Variants in ARHGEF28 observed in about 807,000 individuals in gnomAD.
ARHGEF28 encodes 190 kDa guanine nucleotide exchange factor.
Under a neutral mutation model 206.6 loss-of-function variants are expected in ARHGEF28, and 152 were observed. The ratio of observed to expected loss-of-function variants is 0.74; its 90% CI spans 0.64 to 0.84. The LOEUF (loss-of-function observed/expected upper bound fraction) is 0.84, where lower values mean the gene tolerates loss of function less well. ARHGEF28 is among the 40% of genes least tolerant of loss of function. The probability of loss-of-function intolerance (pLI) is 0.00; values close to 1 mark genes in which losing one functional copy is unlikely to be tolerated. For missense variants in ARHGEF28, 2,028 were observed against 2,073.2 expected (o/e 0.98, Z 0.42); for synonymous variants, 763 against 776.4 (o/e 0.98, Z 0.29).
chr5:73,912,887 C>T (rs1303469674), intron 35 of ARHGEF28, among the ~76,000 whole-genome samples: 2 of 152,172 alleles, frequency 1.3e-5, no homozygotes, highest in African/African-American at 4.8e-5. Flanking sequence ...GTTTTGTCAG[C>T]ATGGTTTTAC....
At chr5:73,719,532 A>G (rs181646703) in intron 2 of ARHGEF28, among the ~76,000 whole-genome samples, 1 of 152,178 alleles carries the variant, frequency 6.6e-6, no homozygotes, top group Non-Finnish European at 1.5e-5. Context: ...AGAAACTGAC[A>G]TTTCTCTTTT....
chr5:73,654,303 TG>T (rs1424830845), intron 1 of ARHGEF28, among the ~76,000 whole-genome samples: 1 of 152,168 alleles, frequency 6.6e-6, no homozygotes, highest in African/African-American at 2.4e-5. Flanking sequence ...CATAAATGTC[TG>T]CTCTGGAGAA....
intron 35 of ARHGEF28, among the ~76,000 whole-genome samples, chr5:73,927,612 G>T (rs1763892892): frequency 6.6e-6 from 1 of 152,120 alleles, no homozygotes; most frequent in Non-Finnish European, 1.5e-5. Flanking sequence ...CCCTGCCTCA[G>T]CCTCCTCAGT....
intron 9 of ARHGEF28, among the ~76,000 whole-genome samples, chr5:73,824,021 G>A (rs1756748640): frequency 6.6e-6 from 1 of 152,204 alleles, no homozygotes; most frequent in African/African-American, 2.4e-5. Context: ...CCAGTGTGTA[G>A]CAGGTGTTCC....
At chr5:73,745,422 CA>C (rs1751670606) in intron 2 of ARHGEF28, among the ~76,000 whole-genome samples, 2 of 151,962 alleles carry the variant, frequency 1.3e-5, no homozygotes, top group Non-Finnish European at 2.9e-5. Context: ...TTTAAGGTGG[CA>C]AAAACATTTG....
Position 73,894,550 on chromosome 5 carries a change from A to G in ARHGEF28, c.3816A>G (p.Ser1272=). 1 of 1,613,796 alleles carries G rather than the reference A, an allele frequency of 6.2e-7. No individual in the cohort carries two copies. Among genetic ancestry groups the G allele is most frequent in the Non-Finnish European group, 8.5e-7 (1 of 1,179,846 alleles). Residue 1272 remains serine, a synonymous_variant, in exon 29 of 36, where the codon TCA becomes TCG. Transcript: ENST00000513042. ...PDPGEPPQAA[S]LLAAALKEAE... is the part of the protein sequence containing the mutation. Reference sequence around the variant, plus strand: ...CAGGCGAGCCTCCCCAGGCAGCCTCATTACTGGCAGCAGCACTGAAAGAAG... The same window carrying G: ...CAGGCGAGCCTCCCCAGGCAGCCTCGTTACTGGCAGCAGCACTGAAAGAAG...
chr5:73,910,282 G>A (rs1762815425), intron 34 of ARHGEF28, among the ~76,000 whole-genome samples: 1 of 149,228 alleles, frequency 6.7e-6, no homozygotes, highest in African/African-American at 2.5e-5. Flanking sequence ...TCAGGAGGCT[G>A]AGGCAGGAGA....
At chr5:73,657,745 A>G (rs1745310133) in intron 1 of ARHGEF28, among the ~76,000 whole-genome samples, 1 of 152,220 alleles carries the variant, frequency 6.6e-6, no homozygotes, top group African/African-American at 2.4e-5. Context: ...GGCTGAGACC[A>G]GAAACATTTC....
At chr5:73,757,989 G>T (rs1752405002) in intron 4 of ARHGEF28, among the ~76,000 whole-genome samples, 2 of 152,094 alleles carry the variant, frequency 1.3e-5, no homozygotes, top group Admixed American at 1.3e-4. Flanking sequence ...TGTTTTATGT[G>T]TTGATGCTCA....
intron 9 of ARHGEF28, among the ~76,000 whole-genome samples, chr5:73,800,645 A>G (rs533107905): frequency 2.0e-5 from 3 of 151,802 alleles, no homozygotes; most frequent in East Asian, 3.9e-4. Flanking sequence ...ACAAAACAAA[A>G]CAGAAAAAAG....
intron 9 of ARHGEF28, among the ~76,000 whole-genome samples, chr5:73,809,275 T>C (rs1755698401): frequency 1.3e-5 from 2 of 152,174 alleles, no homozygotes; most frequent in South Asian, 2.1e-4. Context: ...AAGGGAAATT[T>C]TATTTACATT....
chr5:73,729,764 AT>A (rs775920927), intron 2 of ARHGEF28, among the ~76,000 whole-genome samples: 11 of 152,186 alleles, frequency 7.2e-5, no homozygotes, highest in Non-Finnish European at 2.9e-5. Flanking sequence ...TGTATAGACT[AT>A]TTTTGTTAGT....
chr5:73,893,813 A>G (rs948537724), intron 28 of ARHGEF28, among the ~76,000 whole-genome samples: 2 of 152,316 alleles, frequency 1.3e-5, no homozygotes, highest in East Asian at 3.9e-4. Context: ...TGGGGTTTTC[A>G]GCTCTCCCAA....
rs562122463 is a variant in ARHGEF28, at chr5:73,733,635, T to C, written c.34-16202T>C. 1.7e-4 allele frequency among the ~76,000 whole-genome samples: 26 copies of C among 152,100 alleles called. No homozygotes were observed. The East Asian group carries it at 1.7e-3, about 10-fold the overall frequency. On this transcript the variant is annotated intron_variant, in intron 2 of 35. Transcript: ENST00000513042. Reference sequence around the variant, plus strand: ...AAACCCACCTGTACCCCGAAAACTATTGAAAGAAAAAATAATTTAAAAGGA... The same window carrying C: ...AAACCCACCTGTACCCCGAAAACTACTGAAAGAAAAAATAATTTAAAAGGA...
At chr5:73,752,186 A>G (rs955616194) in intron 3 of ARHGEF28, among the ~76,000 whole-genome samples, 5 of 152,198 alleles carry the variant, frequency 3.3e-5, no homozygotes, top group Admixed American at 3.3e-4. Flanking sequence ...CAGCATAAAA[A>G]TGTACCTGGG....
intron 14 of ARHGEF28, among the ~76,000 whole-genome samples, chr5:73,854,787 G>A (rs112568039): frequency 0.019 from 2,878 of 151,902 alleles, 97 homozygotes; most frequent in African/African-American, 0.066. Flanking sequence ...AGCCGAGATC[G>A]TGCCACAGCA....
chr5:73,915,157 T>C lies in ARHGEF28; in HGVS notation c.4948+3582T>C, dbSNP rs572383322. ...GTTTTTGTTTTTATTGGTTTTTTTT[T>C]CTCCCCTCCTTCCCTTTTTAATAGT... On this transcript the variant is annotated intron_variant, in intron 35 of 35. Transcript: ENST00000513042. 3.6e-3 allele frequency among the ~76,000 whole-genome samples: 544 copies of C among 152,228 alleles called. 3 individuals are homozygous for C. Among genetic ancestry groups the C allele is most frequent in the African/African-American group, 0.012 (517 of 41,550 alleles).
chr5:73,673,679 A>G (rs1746484717), intron 1 of ARHGEF28, among the ~76,000 whole-genome samples: 1 of 152,174 alleles, frequency 6.6e-6, no homozygotes, highest in Non-Finnish European at 1.5e-5. Flanking sequence ...TATATACTTA[A>G]CATGTAATAA....
intron 24 of ARHGEF28, among the ~76,000 whole-genome samples, chr5:73,884,106 C>T (rs1354199113): frequency 2.0e-5 from 3 of 152,284 alleles, no homozygotes; most frequent in Non-Finnish European, 2.9e-5. Context: ...CCAAACCAAG[C>T]TGGCTTCTTC....
Sources: allele counts gnomAD v4.1 joint callset (sites outside exome capture counted in the v4.1 genomes callset), GRCh38; gene constraint gnomAD v4.1.1; transcripts MANE v1.5; gene names NCBI Gene and HGNC (gene_info 2026-07-23, HGNC 2026-07-21).